Variants in STOM observed in about 807,000 individuals in gnomAD.
The protein encoded by STOM is stomatin, also known as erythrocyte band 7 integral membrane protein.
In STOM, 25 loss-of-function variants were observed where a neutral mutation model predicts 30.6. The ratio of observed to expected loss-of-function variants is 0.82; its 90% CI spans 0.60 to 1.14. The LOEUF (loss-of-function observed/expected upper bound fraction) is 1.14, where lower values mean the gene tolerates loss of function less well. Among genes scored for constraint, STOM ranks in the 50% most tolerant of loss-of-function variants. STOM has a pLI of 0.00. For synonymous variants in STOM, 118 were observed against 130.8 expected, an observed-to-expected ratio of 0.90 and a Z score of 0.67; for missense variants, 292 against 365.2, an observed-to-expected ratio of 0.80 and a Z score of 1.63.
Position 121,349,328 on chromosome 9 carries a change from A to G in STOM, c.322-5T>C, listed in dbSNP as rs2064318253. ...CACTGAATCCTTTGTGAGGATCTAC[A>G]AGATGAAGGAAGCAATTTTACATCT... On this transcript the variant is annotated splice_region_variant and splice_polypyrimidine_tract_variant and intron_variant, in intron 4 of 6. Transcript: ENST00000286713. 2 of 1,613,548 alleles carry G rather than the reference A, an allele frequency of 1.2e-6. No individual in the cohort carries two copies.
At chr9:121,344,962 G>A (rs955147871) in intron 6 of STOM, among the ~76,000 whole-genome samples, 1 of 152,202 alleles carries the variant, frequency 6.6e-6, no homozygotes, top group Non-Finnish European at 1.5e-5. Context: ...AGGAGAATCT[G>A]TCCTCTTCTG....
intron 4 of STOM, among the ~76,000 whole-genome samples, chr9:121,352,004 T>G (rs905532541): frequency 6.6e-6 from 1 of 152,206 alleles, no homozygotes; most frequent in African/African-American, 2.4e-5. Context: ...AATGTGGTAG[T>G]AAAAATGTTG....
At chr9:121,368,197 G>A (rs899459154) in intron 1 of STOM, among the ~76,000 whole-genome samples, 1 of 151,990 alleles carries the variant, frequency 6.6e-6, no homozygotes, top group African/African-American at 2.4e-5. Context: ...ATTTTTGAGA[G>A]GAAGTGGTGG....
chr9:121,360,307 T>G (rs1197259983), intron 1 of STOM, among the ~76,000 whole-genome samples: 1 of 152,198 alleles, frequency 6.6e-6, no homozygotes, highest in African/African-American at 2.4e-5. Context: ...TATTTTTAAT[T>G]GACCTTCCAA....
rs1564631312 is a variant in STOM at position 121,357,441 on chromosome 9, T to TATATATATATATATATATATA, written c.62-1286_62-1285insTATATATATATATATATATAT. On this transcript the variant is annotated intron_variant, in intron 1 of 6. Coordinates refer to ENST00000286713, the MANE Select transcript of STOM (RefSeq NM_004099.6). ...TTTTAAATGATATATATATATATATTTATTTATTTATTTTTTGAGACAGAG... is the reference window on the plus strand; with the variant it reads ...TTTTAAATGATATATATATATATATTATATATATATATATATATATATATTTATTTATTTTTTGAGACAGAG... Among the ~76,000 whole-genome samples the TATATATATATATATATATATA allele has an allele frequency of 9.0e-3, 665 of 73,566 alleles. 22 individuals are homozygous for TATATATATATATATATATATA. Among genetic ancestry groups the TATATATATATATATATATATA allele is most frequent in the East Asian group, 0.047 (93 of 1,962 alleles). 48.3% of individuals were successfully genotyped at this position (73,566 alleles called of 152,430 possible). A position where few individuals can be genotyped will look rare whatever the true frequency, so the allele number is the denominator to read the frequency against.
At chr9:121,366,748 T>G (rs2064507222) in intron 1 of STOM, among the ~76,000 whole-genome samples, 1 of 152,120 alleles carries the variant, frequency 6.6e-6, no homozygotes, top group African/African-American at 2.4e-5. Context: ...ACTATGTACT[T>G]GATACTGGGC....
Position 121,349,108 on chromosome 9 carries a change from C to G in STOM, c.525+12G>C, listed in dbSNP as rs371181594. ...AGCTTCTGGGGGGTAACAGCATTGA[C>G]GTACTCCCCACCTGCATGTTGTGTG... On this transcript the variant is annotated intron_variant, in intron 5 of 6. Coordinates refer to ENST00000286713, the MANE Select transcript of STOM (RefSeq NM_004099.6). The G allele has an allele frequency of 9.3e-6, 15 of 1,612,952 alleles. 2 individuals carry two copies. The Middle Eastern group carries it at 4.9e-4, about 53-fold the overall frequency.
chr9:121,368,932 C>CAA lies in STOM; in HGVS notation c.61+1193_61+1194dup, dbSNP rs34631713. Among the ~76,000 whole-genome samples the CAA allele has an allele frequency of 4.0e-3, 388 of 96,888 alleles. 3 individuals are homozygous for CAA. Among genetic ancestry groups the CAA allele is most frequent in the African/African-American group, 0.011 (274 of 25,984 alleles). 63.6% of individuals were successfully genotyped at this position (96,888 alleles called of 152,430 possible). On this transcript the variant is annotated intron_variant, in intron 1 of 6. Transcript: ENST00000286713. ...GGGCAAGAAAAGCGAAACTCCGTCT[C>CAA]AAAAAAAAAAAAAAAAGTGATACGG...
At chr9:121,353,155 T>C in intron 4 of STOM, 65 bp downstream of exon 4, 3 of 826,000 alleles carry the variant, frequency 3.6e-6, no homozygotes, top group Non-Finnish European at 3.8e-6. Flanking sequence ...ACACTCTAAC[T>C]ATTCTGTCCC....
chr9:121,370,062 C>T (rs1589303067), intron 1 of STOM, 65 bp downstream of exon 1: 14 of 1,453,294 alleles, frequency 9.6e-6, no homozygotes, highest in African/African-American at 1.4e-5. Context: ...GCTGTCAGAC[C>T]TCGGAGCGCA....
At chr9:121,353,101 A>T in intron 4 of STOM, 119 bp downstream of exon 4, 3 of 464,928 alleles carry the variant, frequency 6.5e-6, no homozygotes, top group Non-Finnish European at 1.1e-5. Context: ...TAAAACAAAC[A>T]AACAAACAAA....
intron 1 of STOM, among the ~76,000 whole-genome samples, chr9:121,360,619 A>G (rs1376886784): frequency 6.6e-6 from 1 of 152,210 alleles, no homozygotes; most frequent in African/African-American, 2.4e-5. Context: ...GAAAAATGGG[A>G]AAATAGCATT....
chr9:121,358,152 A>AT (rs1554831127), intron 1 of STOM, among the ~76,000 whole-genome samples: 12,753 of 150,432 alleles, frequency 0.085, 709 homozygotes, highest in Non-Finnish European at 0.12. Context: ...AAAAAAAAAA[A>AT]AATAATAATA....
chr9:121,348,931 G>A (rs551597478), intron 5 of STOM, among the ~76,000 whole-genome samples, 189 bp downstream of exon 5: 1 of 152,092 alleles, frequency 6.6e-6, no homozygotes, highest in South Asian at 2.1e-4. Flanking sequence ...ACGCATGAGT[G>A]TTATGAACTC....
intron 6 of STOM, among the ~76,000 whole-genome samples, chr9:121,343,763 C>T (rs1418411010): frequency 6.6e-6 from 1 of 151,984 alleles, no homozygotes; most frequent in Admixed American, 6.6e-5. Flanking sequence ...CAGTGAGGGC[C>T]AGGGTGTTTG....
rs1051492914 is a variant in STOM, at chr9:121,339,394, A to G, written c.*1808T>C. 3 of 514,398 alleles carry G rather than the reference A, an allele frequency of 5.8e-6. No homozygotes were observed. The highest frequency in any genetic ancestry group is 8.7e-6 in the Non-Finnish European group (3 of 346,234). 31.9% of individuals were successfully genotyped at this position (514,398 alleles called of 1,614,324 possible). On this transcript the variant is annotated 3_prime_UTR_variant, in exon 7 of 7. Coordinates refer to ENST00000286713, the MANE Select transcript of STOM (RefSeq NM_004099.6). The stretch of plus-strand genomic sequence containing the variant: ...GATAAAACCATCATTTTAAAATTCA[A>G]AATGTAAGTGCAACTTGAGTTTAAG...
At chr9:121,353,708 C>A (rs2134032463) in intron 3 of STOM, among the ~76,000 whole-genome samples, 2 of 152,294 alleles carry the variant, frequency 1.3e-5, no homozygotes, top group South Asian at 4.1e-4. Context: ...CCCTCTTCAG[C>A]CACTTCCTCT....
Position 121,339,720 on chromosome 9 carries a change from A to G in STOM, c.*1482T>C. On this transcript the variant is annotated 3_prime_UTR_variant, in exon 7 of 7. Transcript: ENST00000286713. The stretch of plus-strand genomic sequence containing the variant: ...TCAGATTCACAGACATTTGCAAAAC[A>G]GAAGATGTCTCCTAATATTATAGAC... 1 of 1,230,878 alleles carries G rather than the reference A, an allele frequency of 8.1e-7. No homozygotes were observed. Among genetic ancestry groups the G allele is most frequent in the African/African-American group, 1.5e-5 (1 of 64,542 alleles). 76.2% of individuals were successfully genotyped at this position (1,230,878 alleles called of 1,614,324 possible).
intron 1 of STOM, among the ~76,000 whole-genome samples, chr9:121,365,176 T>C (rs186897051): frequency 6.6e-6 from 1 of 152,204 alleles, no homozygotes; most frequent in Non-Finnish European, 1.5e-5. Flanking sequence ...TAAGACAAAC[T>C]GAAACAGCAG....
Sources: gnomAD v4.1 joint callset for allele counts (sites outside exome capture counted in the v4.1 genomes callset) on GRCh38, gnomAD v4.1.1 for gene constraint, MANE v1.5 for transcripts, NCBI Gene and HGNC (gene_info 2026-07-23, HGNC 2026-07-21) for gene names.